The following FHOD3 variants were observed in gnomAD, a reference collection of about 807,000 sequenced individuals.
FHOD3 encodes the protein formin homology 2 domain containing 3.
In FHOD3, 90 loss-of-function variants were observed where a neutral mutation model predicts 173.0. The observed-to-expected ratio is 0.52, with a 90% CI of 0.44 to 0.62. FHOD3 has a LOEUF of 0.62. Among genes scored for constraint, FHOD3 ranks in the 20% least tolerant of loss-of-function variants. The probability of loss-of-function intolerance (pLI) is 0.00; values close to 1 mark genes in which losing one functional copy is unlikely to be tolerated. For missense variants in FHOD3, 1,945 were observed against 2,034.7 expected (o/e 0.96, Z 0.85); for synonymous variants, 828 against 823.0 (o/e 1.01, Z -0.10).
intron 4 of FHOD3, among the ~76,000 whole-genome samples, chr18:36,511,357 G>GT (rs760692797): frequency 0.35 from 50,334 of 143,126 alleles, 9,101 homozygotes; most frequent in Non-Finnish European, 0.42. Flanking sequence ...TCTTGCCAAT[G>GT]TTTTTTTTTT....
intron 18 of FHOD3, among the ~76,000 whole-genome samples, chr18:36,716,371 AAAG>A (rs918264623): frequency 3.9e-5 from 6 of 152,250 alleles, no homozygotes; most frequent in Admixed American, 6.5e-5. Context: ...GGATGAAAGA[AAAG>A]AAGGAGTCAG....
At chr18:36,351,051 A>G (rs973352367) in intron 1 of FHOD3, among the ~76,000 whole-genome samples, 10 of 151,872 alleles carry the variant, frequency 6.6e-5, no homozygotes, top group South Asian at 2.1e-4. Context: ...GGGTGTAATG[A>G]TGGGCTGGGG....
intron 3 of FHOD3, among the ~76,000 whole-genome samples, chr18:36,484,996 A>G (rs1599336264): frequency 6.6e-6 from 1 of 152,098 alleles, no homozygotes; most frequent in East Asian, 1.9e-4. Context: ...GGTCGAGCCA[A>G]CTTCATTCCC....
At chr18:36,358,889 C>G in intron 2 of FHOD3, among the ~76,000 whole-genome samples, 1 of 152,122 alleles carries the variant, frequency 6.6e-6, no homozygotes, top group East Asian at 1.9e-4. Flanking sequence ...CTGTCTTAGC[C>G]TCTCAAAGTG....
At chr18:36,710,635 A>G (rs113219177) in intron 18 of FHOD3, 4 of 152,314 alleles carry the variant, frequency 2.6e-5, no homozygotes, top group African/African-American at 9.6e-5. Context: ...CAAGAAGATA[A>G]AAGACTTTAT....
intron 9 of FHOD3, among the ~76,000 whole-genome samples, chr18:36,622,899 T>C (rs1259535590): frequency 6.6e-6 from 1 of 152,220 alleles, no homozygotes; most frequent in Non-Finnish European, 1.5e-5. Flanking sequence ...AGAATTCTTA[T>C]TATAAAAACA....
chr18:36,353,033 T>G (rs949272264), intron 1 of FHOD3, among the ~76,000 whole-genome samples: 1 of 152,218 alleles, frequency 6.6e-6, no homozygotes, highest in African/African-American at 2.4e-5. Flanking sequence ...TCTTCCTGCC[T>G]GCTGCTTCCA....
chr18:36,555,757 T>A (rs2057853458), intron 5 of FHOD3, among the ~76,000 whole-genome samples: 1 of 152,206 alleles, frequency 6.6e-6, no homozygotes. Context: ...TCATATCCTC[T>A]TGTCAAATTG....
At chr18:36,609,475 T>C (rs2032437148) in intron 8 of FHOD3, among the ~76,000 whole-genome samples, 1 of 152,122 alleles carries the variant, frequency 6.6e-6, no homozygotes, top group African/African-American at 2.4e-5. Flanking sequence ...GCAGCCTGCA[T>C]AAAAGGTGAT....
Position 36,718,585 on chromosome 18 carries a change from T to C in FHOD3, c.3287T>C (p.Phe1096Ser), listed in dbSNP as rs2040592010. 6.2e-7 allele frequency: 1 copy of C among 1,614,096 alleles called. No homozygotes were observed. The highest frequency in any genetic ancestry group is 8.5e-7 in the Non-Finnish European group (1 of 1,180,054). ...IRLFWNEVRP[F>S]DWPCKNNRRC... ...TTGTTCTGGAATGAAGTTCGGCCTT[T>C]TGACTGGCCATGTAAAAACAACCGA... is the stretch of plus-strand genomic sequence containing the variant. The change falls in exon 19 of 29, where the codon TTT becomes TCT. Residue 1096 changes from phenylalanine to serine, a missense_variant. Physicochemically the swap from Phe to Ser is radical, Grantham distance 155 (BLOSUM62 -2). Coordinates refer to ENST00000590592, the MANE Select transcript of FHOD3 (RefSeq NM_001281740.3).
intron 24 of FHOD3, among the ~76,000 whole-genome samples, chr18:36,752,903 CT>C (rs2042465608): frequency 6.6e-6 from 1 of 152,134 alleles, no homozygotes; most frequent in South Asian, 2.1e-4. Flanking sequence ...GCATACAGAT[CT>C]TGAATAGTTG....
intron 3 of FHOD3, among the ~76,000 whole-genome samples, chr18:36,380,460 C>T (rs2146258468): frequency 6.7e-6 from 1 of 150,012 alleles, no homozygotes; most frequent in Non-Finnish European, 1.5e-5. Context: ...TCCCTCACTC[C>T]CTTCCTCCCT....
At chr18:36,632,073 A>G (rs1312815735) in intron 10 of FHOD3, among the ~76,000 whole-genome samples, 1 of 152,188 alleles carries the variant, frequency 6.6e-6, no homozygotes, top group African/African-American at 2.4e-5. Flanking sequence ...GTTTGTGAGC[A>G]TTAGCACTCT....
At chr18:36,642,864 C>T (rs1223167980) in intron 10 of FHOD3, among the ~76,000 whole-genome samples, 5 of 151,736 alleles carry the variant, frequency 3.3e-5, no homozygotes, top group South Asian at 4.2e-4. Flanking sequence ...CACTGTCTTA[C>T]GGGGTTTTAT....
intron 10 of FHOD3, among the ~76,000 whole-genome samples, chr18:36,633,690 T>C (rs756747153): frequency 4.6e-5 from 7 of 152,210 alleles, no homozygotes; most frequent in Non-Finnish European, 1.0e-4. Flanking sequence ...AAGTACTCTC[T>C]GAATCTATAG....
chr18:36,562,624 T>C (rs911539066), intron 5 of FHOD3, among the ~76,000 whole-genome samples: 4 of 152,152 alleles, frequency 2.6e-5, no homozygotes, highest in South Asian at 4.1e-4. Context: ...CTCTGCCTCA[T>C]TGGAGAGCAG....
chr18:36,450,389 G>A (rs1020543451), intron 3 of FHOD3, among the ~76,000 whole-genome samples: 7 of 152,124 alleles, frequency 4.6e-5, no homozygotes, highest in African/African-American at 7.2e-5. Flanking sequence ...GGGTTTTAAA[G>A]GGAAGTGGTT....
chr18:36,759,889 C>T (rs901668905), intron 26 of FHOD3, among the ~76,000 whole-genome samples: 3 of 152,174 alleles, frequency 2.0e-5, no homozygotes, highest in African/African-American at 7.2e-5. Flanking sequence ...GCATTGTGTA[C>T]GTATGGTATT....
intron 1 of FHOD3, among the ~76,000 whole-genome samples, chr18:36,317,654 A>C (rs2044194823): frequency 6.6e-6 from 1 of 152,130 alleles, no homozygotes; most frequent in African/African-American, 2.4e-5. Context: ...AGATTGCAAA[A>C]ATTTTCTCCC....
Sources: gnomAD v4.1 joint callset for allele counts (sites outside exome capture counted in the v4.1 genomes callset) on GRCh38, gnomAD v4.1.1 for gene constraint, MANE v1.5 for transcripts, NCBI Gene and HGNC (gene_info 2026-07-23, HGNC 2026-07-21) for gene names.